FHOD3: variants seen among roughly 807,000 people sequenced by gnomAD.
The protein encoded by FHOD3 is FH1/FH2 domain-containing protein 3.
Under a neutral mutation model 173.0 loss-of-function variants are expected in FHOD3, and 90 were observed. That is an observed-to-expected ratio of 0.52 (90% confidence interval 0.44 to 0.62). The LOEUF is 0.62. Ranked by LOEUF, FHOD3 falls within the 20% of genes least tolerant of loss-of-function variation. The pLI is 0.00. For missense variants in FHOD3, 1,945 were observed against 2,034.7 expected (o/e 0.96, Z 0.85); for synonymous variants, 828 against 823.0 (o/e 1.01, Z -0.10).
At chr18:36,617,761 A>G (rs1495896) in intron 9 of FHOD3, among the ~76,000 whole-genome samples, 148,519 of 152,150 alleles carry the variant, frequency 0.98, 72,604 homozygotes, top group East Asian at 1. Flanking sequence ...ATTCTGTTGG[A>G]AAATTACATG....
intron 3 of FHOD3, among the ~76,000 whole-genome samples, chr18:36,380,940 A>C (rs1258781246): frequency 2.0e-5 from 3 of 152,088 alleles, no homozygotes; most frequent in African/African-American, 7.2e-5. Context: ...GGGGTCCACC[A>C]ATGGCAAGGC....
chr18:36,364,181 G>T (rs1004480598), intron 2 of FHOD3, among the ~76,000 whole-genome samples: 5 of 152,108 alleles, frequency 3.3e-5, no homozygotes, highest in Non-Finnish European at 7.4e-5. Context: ...AGTCTTCTCT[G>T]TTGCAACCAA....
chr18:36,339,356 G>A (rs188851868), intron 1 of FHOD3, among the ~76,000 whole-genome samples: 245 of 152,298 alleles, frequency 1.6e-3, no homozygotes, highest in African/African-American at 5.6e-3. Context: ...AACCCAACAG[G>A]AAGTGTTGAG....
At chr18:36,499,734 A>G (rs2054930326) in intron 3 of FHOD3, among the ~76,000 whole-genome samples, 1 of 152,184 alleles carries the variant, frequency 6.6e-6, no homozygotes, top group Non-Finnish European at 1.5e-5. Flanking sequence ...CCTGAGAGTC[A>G]CCAGGGCCTT....
At chr18:36,345,995 A>G (rs1292502393) in intron 1 of FHOD3, among the ~76,000 whole-genome samples, 1 of 152,170 alleles carries the variant, frequency 6.6e-6, no homozygotes, top group African/African-American at 2.4e-5. Flanking sequence ...TTCAACCATC[A>G]TATTTTTATT....
At chr18:36,312,478 A>G (rs2092282342) in intron 1 of FHOD3, among the ~76,000 whole-genome samples, 1 of 152,046 alleles carries the variant, frequency 6.6e-6, no homozygotes, top group African/African-American at 2.4e-5. Context: ...CAGGCATTGA[A>G]CCTGCCCCGC....
At chr18:36,556,568 T>C (rs529774069) in intron 5 of FHOD3, among the ~76,000 whole-genome samples, 21 of 152,222 alleles carry the variant, frequency 1.4e-4, no homozygotes, top group Non-Finnish European at 2.8e-4. Context: ...TTGTGTATAG[T>C]ATAAGAAACT....
intron 15 of FHOD3, among the ~76,000 whole-genome samples, chr18:36,684,635 A>G (rs999758524): frequency 3.9e-5 from 6 of 152,238 alleles, no homozygotes; most frequent in African/African-American, 1.2e-4. Flanking sequence ...GAACCTGAAG[A>G]TAGAACAACA....
chr18:36,348,458 G>T (rs757029269), intron 1 of FHOD3, among the ~76,000 whole-genome samples: 1 of 152,176 alleles, frequency 6.6e-6, no homozygotes, highest in African/African-American at 2.4e-5. Context: ...CTTTGTGGGC[G>T]TGTGACTGAT....
At chr18:36,675,857 T>A (rs2037823250) in intron 14 of FHOD3, among the ~76,000 whole-genome samples, 1 of 152,196 alleles carries the variant, frequency 6.6e-6, no homozygotes. Flanking sequence ...GAAGACATTA[T>A]TTGGCTCCTA....
chr18:36,434,007 C>T (rs2050687755), intron 3 of FHOD3, among the ~76,000 whole-genome samples: 1 of 152,168 alleles, frequency 6.6e-6, no homozygotes, highest in African/African-American at 2.4e-5. Flanking sequence ...TAGGCCCTCT[C>T]CGCTCCCCAC....
intron 3 of FHOD3, among the ~76,000 whole-genome samples, chr18:36,406,925 G>A (rs1489676636): frequency 6.6e-6 from 1 of 152,260 alleles, no homozygotes. Flanking sequence ...TCCAGTAAAC[G>A]TTGACCAGGT....
intron 1 of FHOD3, among the ~76,000 whole-genome samples, chr18:36,303,804 C>A (rs1811294757): frequency 6.6e-6 from 1 of 152,086 alleles, no homozygotes; most frequent in African/African-American, 2.4e-5. Flanking sequence ...CCTCTGCTGG[C>A]CATTTTCAGA....
chr18:36,679,393 C>G (rs1356341100), intron 14 of FHOD3, among the ~76,000 whole-genome samples: 4 of 151,800 alleles, frequency 2.6e-5, no homozygotes, highest in African/African-American at 9.7e-5. Context: ...CTTCGTTTTC[C>G]TATTTTATTA....
intron 19 of FHOD3, among the ~76,000 whole-genome samples, chr18:36,722,963 C>T (rs1447877882): frequency 6.6e-6 from 1 of 151,930 alleles, no homozygotes; most frequent in Non-Finnish European, 1.5e-5. Context: ...AACCTGAATT[C>T]TACCTAGAAA....
At chr18:36,418,281 A>C (rs1334392661) in intron 3 of FHOD3, among the ~76,000 whole-genome samples, 1 of 152,204 alleles carries the variant, frequency 6.6e-6, no homozygotes, top group Non-Finnish European at 1.5e-5. Flanking sequence ...TGTACTCTGA[A>C]AAGGAATTTT....
At chr18:36,332,321 T>C (rs2045059147) in intron 1 of FHOD3, among the ~76,000 whole-genome samples, 1 of 152,216 alleles carries the variant, frequency 6.6e-6, no homozygotes, top group Non-Finnish European at 1.5e-5. Flanking sequence ...TTTCAGAGTG[T>C]GGCTCACATA....
intron 3 of FHOD3, among the ~76,000 whole-genome samples, chr18:36,431,628 A>G (rs945465716): frequency 1.1e-4 from 17 of 152,216 alleles, no homozygotes; most frequent in African/African-American, 4.1e-4. Flanking sequence ...TCCCTTCCAA[A>G]TATCAGATTC....
At position 36,776,484 on chromosome 18, in the gene FHOD3, A is replaced by C. The variant is rs529188502; in HGVS notation, c.4787-2964A>C. 2.2e-4 allele frequency among the ~76,000 whole-genome samples: 34 copies of C among 152,320 alleles called. 1 individual carries two copies. In the South Asian group the frequency reaches 6.8e-3, roughly 31 times the overall value. On this transcript the variant is annotated intron_variant, in intron 28 of 28. Coordinates refer to ENST00000590592, the MANE Select transcript of FHOD3 (RefSeq NM_001281740.3). ...TACTTTCATTTCACGTGGTCTTTCA[A>C]GTGGTGAGGTGAATTAACTTTGGCT...
Sources: allele counts gnomAD v4.1 joint callset (sites outside exome capture counted in the v4.1 genomes callset), GRCh38; gene constraint gnomAD v4.1.1; transcripts MANE v1.5; gene names NCBI Gene and HGNC (gene_info 2026-07-23, HGNC 2026-07-21).